Variants in DHRSX observed in about 807,000 individuals in gnomAD.
DHRSX encodes polyprenol dehydrogenase.
A neutral mutation model predicts 34.0 loss-of-function variants in DHRSX; 31 were observed. The observed-to-expected ratio is 0.91, with a 90% confidence interval of 0.69 to 1.23. The LOEUF (loss-of-function observed/expected upper bound fraction) is 1.23. Among genes scored for constraint, DHRSX ranks in the 50% most tolerant of loss-of-function variants. The pLI is 0.00. For missense variants in DHRSX, 414 were observed against 428.1 expected, an observed-to-expected ratio of 0.97 and a Z score of 0.29; for synonymous variants, 201 against 183.8, an observed-to-expected ratio of 1.09 and a Z score of -0.76.
chrX:2,240,291 C>CA (rs778881739), intron 6 of DHRSX, among the ~76,000 whole-genome samples: 26,643 of 130,128 alleles, frequency 0.2, 2,648 homozygotes, highest in Admixed American at 0.25. Context: ...GACTCTATCT[C>CA]AAAAAAAAAA....
chrX:2,326,917 T>C (rs1169986558), intron 3 of DHRSX, among the ~76,000 whole-genome samples: 1 of 152,014 alleles, frequency 6.6e-6, no homozygotes, highest in East Asian at 1.9e-4. Context: ...GTTCAAGCGA[T>C]TCTCCTGCCT....
intron 5 of DHRSX, among the ~76,000 whole-genome samples, chrX:2,262,148 C>G (rs950035947): frequency 4.6e-5 from 7 of 152,216 alleles, no homozygotes; most frequent in African/African-American, 1.7e-4. Context: ...GGAAGCCAGT[C>G]ATGGCAGGGC....
intron 3 of DHRSX, among the ~76,000 whole-genome samples, chrX:2,398,988 G>T (rs891363037): frequency 2.6e-5 from 4 of 152,098 alleles, no homozygotes. Context: ...GAGTAGCTGG[G>T]ACTACAGGCA....
At chrX:2,256,014 T>A (rs2041272168) in intron 5 of DHRSX, among the ~76,000 whole-genome samples, 1 of 143,424 alleles carries the variant, frequency 7.0e-6, no homozygotes, top group South Asian at 2.1e-4. Context: ...TATGTGTCCC[T>A]CTTTTTTTTT....
chrX:2,308,395 C>T (rs1220854869), intron 3 of DHRSX, among the ~76,000 whole-genome samples: 3 of 151,050 alleles, frequency 2.0e-5, no homozygotes, highest in Non-Finnish European at 2.9e-5. Context: ...GACAATTGTT[C>T]GACAATTGTT....
chrX:2,392,349 C>A, intron 3 of DHRSX: 2 of 196,500 alleles, frequency 1.0e-5, no homozygotes, highest in South Asian at 1.7e-4. Context: ...ATATGCAGCA[C>A]ATACAATTTT....
intron 1 of DHRSX, among the ~76,000 whole-genome samples, chrX:2,426,616 T>G (rs2043852334): frequency 6.8e-6 from 1 of 147,534 alleles, no homozygotes; most frequent in Non-Finnish European, 1.5e-5. Context: ...TTTCCTTTCC[T>G]CTTTCCCTCC....
At chrX:2,222,352 C>T (rs1379435783) in intron 6 of DHRSX, among the ~76,000 whole-genome samples, 1 of 152,232 alleles carries the variant, frequency 6.6e-6, no homozygotes, top group Non-Finnish European at 1.5e-5. Context: ...TTCCAACCTC[C>T]TAATGACATG....
At chrX:2,428,359 T>C (rs776022935) in intron 1 of DHRSX, among the ~76,000 whole-genome samples, 29 of 152,248 alleles carry the variant, frequency 1.9e-4, no homozygotes, top group African/African-American at 7.0e-4. Context: ...AGTAAAGACT[T>C]GGAACCAACC....
intron 1 of DHRSX, chrX:2,489,844 G>A (rs2045077581): frequency 6.2e-7 from 1 of 1,613,604 alleles, no homozygotes; most frequent in African/African-American, 1.3e-5. Flanking sequence ...TGAAGGTGTG[G>A]CCCAGGCAGG....
chrX:2,349,810 G>T (rs1186449397), intron 3 of DHRSX, among the ~76,000 whole-genome samples: 2 of 148,508 alleles, frequency 1.3e-5, no homozygotes, highest in African/African-American at 5.1e-5. Flanking sequence ...GGGAGGCCGA[G>T]GCGGGCGGAT....
In DHRSX at chrX:2,490,822, C is replaced by A. The variant is rs778929474; in HGVS notation, c.109+9995G>T. The A allele has an allele frequency of 3.4e-6, 5 of 1,489,574 alleles. No homozygotes were observed. The African/African-American group carries it at 4.2e-5, about 13-fold the overall frequency. 92.3% of individuals were successfully genotyped at this position (1,489,574 alleles called of 1,614,324 possible). On this transcript the variant is annotated intron_variant, in intron 1 of 6. Coordinates refer to ENST00000334651, the MANE Select transcript of DHRSX (RefSeq NM_145177.3). ...GCATGAGAAGGGACCCAGGCACGCA[C>A]GGGAGCCCTGCCGGGGAGACAGACA... is the stretch of plus-strand genomic sequence containing the variant.
chrX:2,290,629 C>T (rs956803503), intron 4 of DHRSX, among the ~76,000 whole-genome samples: 13 of 152,128 alleles, frequency 8.5e-5, no homozygotes, highest in African/African-American at 2.9e-4. Context: ...GTTTGACGTA[C>T]GTCTGTTCTA....
intron 3 of DHRSX, among the ~76,000 whole-genome samples, chrX:2,381,238 G>A (rs886569976): frequency 6.6e-6 from 1 of 152,148 alleles, no homozygotes. Context: ...GACGTGATGA[G>A]GTCATGAGGG....
chrX:2,336,156 C>T (rs1173325279), intron 3 of DHRSX, among the ~76,000 whole-genome samples: 2 of 151,858 alleles, frequency 1.3e-5, no homozygotes, highest in African/African-American at 2.4e-5. Context: ...TACAGGCGCC[C>T]GCCACCATGC....
In DHRSX at chrX:2,316,996, C is replaced by T. The variant is rs769456453; in HGVS notation, c.287-25393G>A. ...TTTTTGAGACGGAGTCTCCCTCTGTCGCCCAGGCTGGAGTGCAATGGCGCC... is the reference window on the plus strand; with the variant it reads ...TTTTTGAGACGGAGTCTCCCTCTGTTGCCCAGGCTGGAGTGCAATGGCGCC... On this transcript the variant is annotated intron_variant, in intron 3 of 6. Coordinates refer to ENST00000334651, the MANE Select transcript of DHRSX (RefSeq NM_145177.3). Among the ~76,000 whole-genome samples, 27 of 152,274 alleles carry T rather than the reference C, an allele frequency of 1.8e-4. 1 individual carries two copies. In the South Asian group the frequency reaches 4.1e-3, roughly 23 times the overall value.
At chrX:2,422,332 G>A (rs963627424) in intron 2 of DHRSX, among the ~76,000 whole-genome samples, 53 of 151,324 alleles carry the variant, frequency 3.5e-4, no homozygotes, top group Non-Finnish European at 6.5e-4. Flanking sequence ...GCGCGATCTC[G>A]GTTCACTGCA....
At chrX:2,296,500 C>T (rs1231876080) in intron 3 of DHRSX, among the ~76,000 whole-genome samples, 2 of 149,856 alleles carry the variant, frequency 1.3e-5, no homozygotes, top group Non-Finnish European at 2.9e-5. Context: ...GAATAGGACC[C>T]AGGCAGATAG....
intron 3 of DHRSX, among the ~76,000 whole-genome samples, chrX:2,361,334 T>A (rs1270028320): frequency 6.6e-6 from 1 of 152,124 alleles, no homozygotes; most frequent in Admixed American, 6.6e-5. Flanking sequence ...CTCAAACTCC[T>A]GACTTCGTGA....
Sources: gnomAD v4.1 joint callset for allele counts (sites outside exome capture counted in the v4.1 genomes callset) on GRCh38, gnomAD v4.1.1 for gene constraint, MANE v1.5 for transcripts, NCBI Gene and HGNC (gene_info 2026-07-23, HGNC 2026-07-21) for gene names.